NTM: variants seen among roughly 807,000 people sequenced by gnomAD.
NTM encodes the protein neurotrimin, also known as IgLON family member 2.
Under a neutral mutation model 42.1 loss-of-function variants are expected in NTM, and 13 were observed. The ratio of observed to expected loss-of-function variants is 0.31; its 90% CI spans 0.20 to 0.49. The LOEUF (loss-of-function observed/expected upper bound fraction) is 0.49. Ranked by LOEUF, NTM falls within the 20% of genes least tolerant of loss-of-function variation. The probability of loss-of-function intolerance (pLI) is 0.99; values close to 1 mark genes in which losing one functional copy is unlikely to be tolerated. For missense variants in NTM, 373 were observed against 452.8 expected, an observed-to-expected ratio of 0.82 and a Z score of 1.60; for synonymous variants, 187 against 179.2, an observed-to-expected ratio of 1.04 and a Z score of -0.35.
chr11:132,335,192 C>G lies in NTM; in HGVS notation c.*46C>G. The G allele has an allele frequency of 1.9e-6, 3 of 1,604,626 alleles. No homozygotes were observed. The highest frequency in any genetic ancestry group is 2.6e-6 in the Non-Finnish European group (3 of 1,176,384). On this transcript the variant is annotated 3_prime_UTR_variant, in exon 9 of 9. Coordinates refer to ENST00000683400, the MANE Select transcript of NTM (RefSeq NM_001352005.2). Reference sequence around the variant, plus strand: ...CCGGGAAAGGCTGCCGCCACCACCACCACCAACACAACAGCAATGGCAACA... The same window carrying G: ...CCGGGAAAGGCTGCCGCCACCACCAGCACCAACACAACAGCAATGGCAACA...
At chr11:132,314,798 A>G (rs2095380014) in intron 7 of NTM, 95 bp downstream of exon 7, 1 of 1,448,138 alleles carries the variant, frequency 6.9e-7, no homozygotes, top group Admixed American at 2.7e-5. Flanking sequence ...GTCAGAGGTT[A>G]GCAGGGTATC....
At chr11:131,598,696 TTTCTTTCTTTC>T (rs1407928058) in intron 1 of NTM, among the ~76,000 whole-genome samples, 1 of 46,814 alleles carries the variant, frequency 2.1e-5, no homozygotes, top group African/African-American at 5.7e-5. Flanking sequence ...TCTTTCTTTC[TTTCTTTCTTTC>T]TTTCTTTCTT....
intron 4 of NTM, among the ~76,000 whole-genome samples, chr11:132,256,341 T>A (rs1235711033): frequency 6.6e-6 from 1 of 152,184 alleles, no homozygotes; most frequent in Non-Finnish European, 1.5e-5. Context: ...ACCCAGTGCT[T>A]CCCTCACCCC....
At chr11:131,497,212 C>T (rs117912459) in intron 1 of NTM, among the ~76,000 whole-genome samples, 29 of 152,158 alleles carry the variant, frequency 1.9e-4, no homozygotes, top group African/African-American at 4.8e-4. Context: ...TTTTCAAGAC[C>T]GAGTCTTGCT....
At chr11:131,475,492 G>C (rs1373283402) in intron 1 of NTM, among the ~76,000 whole-genome samples, 1 of 151,726 alleles carries the variant, frequency 6.6e-6, no homozygotes, top group African/African-American at 2.4e-5. Context: ...ATTGCCCTGA[G>C]GAGGAGGAGG....
intron 3 of NTM, among the ~76,000 whole-genome samples, chr11:132,186,141 C>A (rs1216110789): frequency 6.6e-6 from 1 of 152,208 alleles, no homozygotes; most frequent in East Asian, 1.9e-4. Flanking sequence ...AGAAAGAACT[C>A]CAACAGGAGC....
At chr11:132,178,363 AACATAATTCCC>A (rs1485933781) in intron 3 of NTM, among the ~76,000 whole-genome samples, 1 of 152,234 alleles carries the variant, frequency 6.6e-6, no homozygotes, top group Non-Finnish European at 1.5e-5. Context: ...CATATAAGTA[AACATAATTCCC>A]ACTTTGCCTT....
chr11:132,237,552 T>C (rs1034031471), intron 4 of NTM, among the ~76,000 whole-genome samples: 9 of 152,140 alleles, frequency 5.9e-5, no homozygotes, highest in African/African-American at 2.2e-4. Context: ...TTTCAGCCCG[T>C]TTGTGGACAT....
intron 4 of NTM, among the ~76,000 whole-genome samples, chr11:132,251,777 G>C (rs548034709): frequency 6.6e-6 from 1 of 152,170 alleles, no homozygotes; most frequent in African/African-American, 2.4e-5. Flanking sequence ...TGAATGTGCC[G>C]TTTGGAATTT....
chr11:132,292,595 G>C (rs1028453102), intron 4 of NTM, among the ~76,000 whole-genome samples: 12 of 151,784 alleles, frequency 7.9e-5, no homozygotes, highest in Admixed American at 2.0e-4. Flanking sequence ...ATGAGTGTAC[G>C]GAGAAGCCAG....
At chr11:131,626,232 A>T (rs866183750) in intron 1 of NTM, among the ~76,000 whole-genome samples, 3 of 152,184 alleles carry the variant, frequency 2.0e-5, no homozygotes, top group Admixed American at 6.6e-5. Context: ...ACTGAGGAAG[A>T]TATTTAAGTG....
chr11:131,913,078 C>T (rs1450644173), intron 2 of NTM, among the ~76,000 whole-genome samples: 1 of 152,164 alleles, frequency 6.6e-6, no homozygotes, highest in Admixed American at 6.5e-5. Flanking sequence ...AAGCAACTTC[C>T]TTCCCCCACT....
intron 1 of NTM, among the ~76,000 whole-genome samples, chr11:131,799,602 G>A (rs1003010671): frequency 6.6e-6 from 1 of 152,132 alleles, no homozygotes; most frequent in Non-Finnish European, 1.5e-5. Context: ...TCCCGGCTCA[G>A]TGGAGAGTTT....
intron 1 of NTM, among the ~76,000 whole-genome samples, chr11:131,656,593 A>G (rs377387337): frequency 1.3e-5 from 2 of 152,164 alleles, no homozygotes; most frequent in East Asian, 3.9e-4. Context: ...ATACTGCTGC[A>G]GGTCACAGGA....
intron 2 of NTM, among the ~76,000 whole-genome samples, chr11:132,109,195 T>TCTA (rs200995516): frequency 0.21 from 20,961 of 100,134 alleles, 1,519 homozygotes; most frequent in Middle Eastern, 0.29. Flanking sequence ...AGTAGAATGA[T>TCTA]TTATCTTTTA....
chr11:132,091,412 A>T (rs1029629654), intron 2 of NTM, among the ~76,000 whole-genome samples: 3 of 152,140 alleles, frequency 2.0e-5, no homozygotes, highest in South Asian at 2.1e-4. Flanking sequence ...TCTCAAAAAA[A>T]AATAATAAAT....
chr11:132,146,957 C>A lies in NTM; in HGVS notation c.400+443C>A, dbSNP rs1209449047. The A allele has an allele frequency of 1.1e-5, 2 of 179,438 alleles. No individual in the cohort carries two copies. Among genetic ancestry groups the A allele is most frequent in the South Asian group, 2.5e-4 (2 of 7,906 alleles). 11.1% of individuals were successfully genotyped at this position (179,438 alleles called of 1,614,324 possible). On this transcript the variant is annotated intron_variant, in intron 3 of 8. Coordinates refer to ENST00000683400, the MANE Select transcript of NTM (RefSeq NM_001352005.2). This position sits in a 1 kb window ranked among gnomAD's most constrained non-coding sequence, Gnocchi z 4.5. ...CCTCCAGCCTTGAACGAAAGCAGAG[C>A]CAACCAGGATGCACTGGGCACTGCC...
chr11:131,948,684 C>T (rs568536139), intron 2 of NTM, among the ~76,000 whole-genome samples: 1 of 152,320 alleles, frequency 6.6e-6, no homozygotes, highest in Non-Finnish European at 1.5e-5. Context: ...TCTTTTCTTA[C>T]TTCTTTCAAG....
At chr11:132,333,882 A>T (rs1298667946) in intron 8 of NTM, among the ~76,000 whole-genome samples, 4 of 152,220 alleles carry the variant, frequency 2.6e-5, no homozygotes, top group Non-Finnish European at 4.4e-5. Flanking sequence ...ATAATCCCAC[A>T]TGGAATTGAG....
Sources: gnomAD v4.1 joint callset for allele counts (sites outside exome capture counted in the v4.1 genomes callset) on GRCh38, gnomAD v4.1.1 for gene constraint, Gnocchi (gnomAD v3.1) non-coding constraint, MANE v1.5 for transcripts, NCBI Gene and HGNC (gene_info 2026-07-23, HGNC 2026-07-21) for gene names.